Variants in STAU1 observed in about 807,000 individuals in gnomAD.
The protein encoded by STAU1 is double-stranded RNA-binding protein Staufen homolog 1.
In STAU1, 13 loss-of-function variants were observed where a neutral mutation model predicts 62.9. The observed-to-expected ratio is 0.21, with a 90% CI of 0.13 to 0.33. The LOEUF is 0.33. Ranked by LOEUF, STAU1 falls within the 10% of genes least tolerant of loss-of-function variation. STAU1 has a pLI of 1.00. For synonymous variants in STAU1, 269 were observed against 265.1 expected, an observed-to-expected ratio of 1.01 and a Z score of -0.14; for missense variants, 571 against 712.1, an observed-to-expected ratio of 0.80 and a Z score of 2.25.
the STAU1 span, among the ~76,000 whole-genome samples, chr20:49,196,605 G>T: frequency 6.6e-6 from 1 of 151,554 alleles, no homozygotes; most frequent in Non-Finnish European, 1.5e-5. Context: ...TGGCCAACAT[G>T]ACGAAATAAA....
intron 2 of STAU1, among the ~76,000 whole-genome samples, chr20:49,169,095 C>A (rs568684088): frequency 6.6e-6 from 1 of 151,870 alleles, no homozygotes; most frequent in Non-Finnish European, 1.5e-5. Context: ...GGATTACAGG[C>A]GTGTACCACC....
At chr20:49,149,278 A>ACACACACACACC (rs1264045366) in intron 5 of STAU1, among the ~76,000 whole-genome samples, 1 of 151,154 alleles carries the variant, frequency 6.6e-6, no homozygotes, top group Non-Finnish European at 1.5e-5. Flanking sequence ...ACACACACAC[A>ACACACACACACC]CACACACACA....
At chr20:49,214,433 G>A in the STAU1 span, among the ~76,000 whole-genome samples, 120 of 151,184 alleles carry the variant, frequency 7.9e-4, no homozygotes, top group Non-Finnish European at 8.8e-4. Flanking sequence ...CAGGAGAACC[G>A]CTTGAACCCG....
chr20:49,193,367 ACT>A, the STAU1 span, among the ~76,000 whole-genome samples: 24 of 151,026 alleles, frequency 1.6e-4, no homozygotes, highest in East Asian at 1.6e-3. Flanking sequence ...ACAGAGCAAG[ACT>A]CTGTCTCTAA....
At chr20:49,177,042 G>C (rs2093668589) in intron 1 of STAU1, among the ~76,000 whole-genome samples, 1 of 151,950 alleles carries the variant, frequency 6.6e-6, no homozygotes, top group African/African-American at 2.4e-5. Flanking sequence ...CTCCCGAGTA[G>C]CTGGGATTAC....
chr20:49,209,174 A>AT, the STAU1 span, among the ~76,000 whole-genome samples: 1 of 150,216 alleles, frequency 6.7e-6, no homozygotes, highest in African/African-American at 2.5e-5. Context: ...GGCTCAGGTG[A>AT]TTTGCCTGCC....
intron 2 of STAU1, among the ~76,000 whole-genome samples, chr20:49,169,513 C>A (rs2093570578): frequency 1.3e-5 from 2 of 152,312 alleles, no homozygotes; most frequent in African/African-American, 4.8e-5. Flanking sequence ...GCAAATAAGT[C>A]TTTTCCTTTA....
At chr20:49,193,525 G>A in the STAU1 span, among the ~76,000 whole-genome samples, 4 of 152,100 alleles carry the variant, frequency 2.6e-5, no homozygotes, top group Non-Finnish European at 5.9e-5. Flanking sequence ...ACAAAAAGTA[G>A]CTGGGCGTGA....
At chr20:49,141,426 C>CA (rs1432379495) in intron 5 of STAU1, among the ~76,000 whole-genome samples, 1 of 151,884 alleles carries the variant, frequency 6.6e-6, no homozygotes, top group Non-Finnish European at 1.5e-5. Context: ...TTAATCTCTA[C>CA]AAAAAAATTT....
At position 49,151,708 on chromosome 20, in the gene STAU1, T is replaced by C. The variant is rs2093253302; in HGVS notation, c.384A>G (p.Gln128=). ...YPFPVPPLLY[Q]VELSVGGQQF... ...GCTGTCCTCCCACAGAAAGTTCCAC[T>C]TGATAAAGTAAAGGTGGAACTGGAA... Residue 128 remains glutamine, a synonymous_variant, in exon 5 of 14, where the codon CAA becomes CAG. Coordinates refer to ENST00000371856, the MANE Select transcript of STAU1 (RefSeq NM_017453.4). 5.6e-6 allele frequency: 9 copies of C among 1,610,706 alleles called. No homozygotes were observed. Among genetic ancestry groups the C allele is most frequent in the African/African-American group, 1.3e-5 (1 of 74,670 alleles).
chr20:49,139,913 C>T (rs186255694), intron 5 of STAU1, among the ~76,000 whole-genome samples: 157 of 151,794 alleles, frequency 1.0e-3, no homozygotes, highest in African/African-American at 3.3e-3. Flanking sequence ...GCAGTGCGTG[C>T]GGTGGCTCAC....
intron 1 of STAU1, among the ~76,000 whole-genome samples, chr20:49,184,302 T>TA (rs1220084326): frequency 6.6e-6 from 1 of 152,090 alleles, no homozygotes; most frequent in Non-Finnish European, 1.5e-5. Flanking sequence ...TTTTTTTTTT[T>TA]ACCACTTATT....
chr20:49,126,599 C>CAAAAAAAAAAAAAAAAAA (rs1600641014), intron 6 of STAU1, among the ~76,000 whole-genome samples: 1 of 57,346 alleles, frequency 1.7e-5, no homozygotes, highest in African/African-American at 5.7e-5. Flanking sequence ...AAAAAAAAAA[C>CAAAAAAAAAAAAAAAAAA]AAAAAAACTT....
chr20:49,180,959 A>C (rs1045386581), intron 1 of STAU1, among the ~76,000 whole-genome samples: 3 of 152,270 alleles, frequency 2.0e-5, no homozygotes, highest in South Asian at 2.1e-4. Flanking sequence ...TAATTTAGAG[A>C]CAAAGCATGG....
intron 5 of STAU1, among the ~76,000 whole-genome samples, chr20:49,141,872 T>C (rs1282936152): frequency 2.6e-5 from 4 of 152,186 alleles, no homozygotes; most frequent in African/African-American, 9.7e-5. Context: ...TAAATGAATA[T>C]AATTTGGTGT....
chr20:49,164,731 C>G (rs1038460744), intron 3 of STAU1, among the ~76,000 whole-genome samples: 1 of 151,976 alleles, frequency 6.6e-6, no homozygotes, highest in Admixed American at 6.6e-5. Context: ...CTCACACTAC[C>G]GTACTCCAGC....
the STAU1 span, among the ~76,000 whole-genome samples, chr20:49,195,419 T>C: frequency 6.7e-6 from 1 of 150,360 alleles, no homozygotes; most frequent in African/African-American, 2.5e-5. Context: ...GTGCCTGTAG[T>C]CCCAGCTACT....
Position 49,166,000 on chromosome 20 carries a change from C to T in STAU1, c.202G>A (p.Ala68Thr). 6.2e-7 allele frequency: 1 copy of T among 1,614,058 alleles called. No individual in the cohort carries two copies. The highest frequency in any genetic ancestry group is 1.3e-5 in the African/African-American group (1 of 75,054). ...ACACTTGGATTCATATGCTTACCTG[C>T]AGCTGCACTGGTGGATGTAATAGAT... ...SASITSTSAA[A>T]ESITPTVELN... The change falls in exon 3 of 14, where the codon GCA becomes ACA. Residue 68 changes from alanine (A) to threonine (T), a missense_variant. Coordinates refer to ENST00000371856, the MANE Select transcript of STAU1 (RefSeq NM_017453.4).
chr20:49,199,804 C>A, the STAU1 span, among the ~76,000 whole-genome samples: 11 of 152,220 alleles, frequency 7.2e-5, no homozygotes, highest in East Asian at 1.2e-3. Flanking sequence ...GAACTCCAGA[C>A]CTCAGGTGAT....
Sources: allele counts gnomAD v4.1 joint callset (sites outside exome capture counted in the v4.1 genomes callset), GRCh38; gene constraint gnomAD v4.1.1; transcripts MANE v1.5; gene names NCBI Gene and HGNC (gene_info 2026-07-23, HGNC 2026-07-21).